The following FBXO21 variants were observed in gnomAD, a reference collection of about 807,000 sequenced individuals.
The protein encoded by FBXO21 is F-box only protein 21.
A neutral mutation model predicts 76.6 loss-of-function variants in FBXO21; 32 were observed. The ratio of observed to expected loss-of-function variants is 0.42; its 90% CI spans 0.32 to 0.56. The LOEUF is 0.56. Among genes scored for constraint, FBXO21 ranks in the 20% least tolerant of loss-of-function variants. The pLI is 0.16. For synonymous variants in FBXO21, 328 were observed against 311.5 expected (o/e 1.05, Z -0.56); for missense variants, 586 against 797.3 (o/e 0.73, Z 3.19).
chr12:117,146,057 G>C lies in FBXO21; in HGVS notation c.*30C>G. The C allele has an allele frequency of 6.6e-7, 1 of 1,510,294 alleles. No homozygotes were observed. The highest frequency in any genetic ancestry group is 8.9e-7 in the Non-Finnish European group (1 of 1,124,908). The allele number at this position is 1,510,294 out of a possible 1,614,324, so 93.6% of individuals were successfully genotyped here. A position where few individuals can be genotyped will look rare whatever the true frequency, so the allele number is the denominator to read the frequency against. ...CCCGTTCTCTTGGAAGATAGCAGCA[G>C]CAGCAAAGGTGCAATGTCCTCTCTA... On this transcript the variant is annotated 3_prime_UTR_variant, in exon 12 of 12. Coordinates refer to ENST00000622495, the MANE Select transcript of FBXO21 (RefSeq NM_015002.3).
intron 2 of FBXO21, among the ~76,000 whole-genome samples, chr12:117,187,547 C>T (rs1043680558): frequency 2.0e-5 from 3 of 151,598 alleles, no homozygotes; most frequent in Non-Finnish European, 4.4e-5. Flanking sequence ...AACACAGGAA[C>T]GCCAAGATCC....
At chr12:117,157,723 G>C in intron 10 of FBXO21, 150 bp downstream of exon 10, 1 of 537,032 alleles carries the variant, frequency 1.9e-6, no homozygotes, top group South Asian at 5.5e-5. Flanking sequence ...AAGAGGTTCA[G>C]CTTTCTGTCT....
chr12:117,153,168 G>A (rs371545345), intron 11 of FBXO21, among the ~76,000 whole-genome samples: 4 of 151,978 alleles, frequency 2.6e-5, no homozygotes, highest in Non-Finnish European at 4.4e-5. Flanking sequence ...GGGACAGGCC[G>A]GGAGGCAGGT....
chr12:117,152,904 C>A (rs1057001622), intron 11 of FBXO21, among the ~76,000 whole-genome samples: 1 of 152,036 alleles, frequency 6.6e-6, no homozygotes, highest in Admixed American at 6.5e-5. Context: ...TTGATGTATT[C>A]TTTTAACTGT....
intron 4 of FBXO21, 108 bp downstream of exon 4, chr12:117,177,412 C>G (rs1457463314): frequency 1.7e-6 from 2 of 1,192,126 alleles, no homozygotes; most frequent in Admixed American, 4.7e-5. Flanking sequence ...ACATGATTTG[C>G]TTTTTCACTT....
intron 11 of FBXO21, among the ~76,000 whole-genome samples, chr12:117,147,352 A>C (rs1182493842): frequency 1.3e-5 from 2 of 149,524 alleles, no homozygotes; most frequent in Non-Finnish European, 3.0e-5. Context: ...CTGTAATCCC[A>C]GCACTTTGGG....
rs758570744 is a variant in FBXO21 at position 117,189,369 on chromosome 12, G to A, written c.240-7C>T. The A allele has an allele frequency of 5.6e-6, 9 of 1,613,962 alleles. No individual in the cohort carries two copies. Among genetic ancestry groups the A allele is most frequent in the Middle Eastern group, 1.6e-4 (1 of 6,084 alleles). On this transcript the variant is annotated splice_region_variant and splice_polypyrimidine_tract_variant and intron_variant, in intron 1 of 11. Transcript: ENST00000622495. ...TTTCATAAGGGAAGGCCACCTACGA[G>A]GAGAGAAACACCCCCTCAGCTTAAC...
Position 117,143,011 on chromosome 12 carries a change from T to C in FBXO21, c.*3076A>G, listed in dbSNP as rs1007738004. The C allele has an allele frequency of 1.3e-5, 2 of 152,188 alleles. No individual in the cohort carries two copies. Among genetic ancestry groups the C allele is most frequent in the Non-Finnish European group, 2.9e-5 (2 of 68,022 alleles). The allele number at this position is 152,188 out of a possible 1,614,324, so 9.4% of individuals were successfully genotyped here. On this transcript the variant is annotated 3_prime_UTR_variant, in exon 12 of 12. Coordinates refer to ENST00000622495, the MANE Select transcript of FBXO21 (RefSeq NM_015002.3). ...TTTTGCTGTGTAAACGCGCTTATAA[T>C]GGGGATCTGTTATGAGTCTCAGGCA...
intron 9 of FBXO21, among the ~76,000 whole-genome samples, chr12:117,159,438 A>C (rs181139468): frequency 7.9e-5 from 12 of 152,204 alleles, no homozygotes; most frequent in Non-Finnish European, 1.5e-5. Flanking sequence ...GTGAAGATCA[A>C]CTCTTGGTCT....
chr12:117,181,598 A>AGAGTCTGTCT (rs72520396), intron 3 of FBXO21, among the ~76,000 whole-genome samples: 1 of 26,788 alleles, frequency 3.7e-5, no homozygotes, highest in Non-Finnish European at 5.4e-5. Flanking sequence ...TATCTGAGAC[A>AGAGTCTGTCT]GTCTATCTAT....
intron 11 of FBXO21, among the ~76,000 whole-genome samples, chr12:117,147,308 GA>G (rs139974809): frequency 0.012 from 534 of 46,252 alleles, 4 homozygotes; most frequent in Middle Eastern, 0.048. Flanking sequence ...AAAAAAAAAA[GA>G]AAAAAAAAAG....
intron 2 of FBXO21, 117 bp downstream of exon 2, chr12:117,189,110 G>A: frequency 2.6e-6 from 3 of 1,143,242 alleles, no homozygotes; most frequent in East Asian, 4.7e-5. Context: ...AAGTGAGTAA[G>A]GGATTGTGAG....
At position 117,142,171 on chromosome 12, in the gene FBXO21, C is replaced by G. The variant is rs1409671172; in HGVS notation, c.*3916G>C. ...TTCAAGGTTAAAGTCGCTGCTAGAC[C>G]AAGGCTAAACCGTGGCGAGGTAGTT... On this transcript the variant is annotated 3_prime_UTR_variant, in exon 12 of 12. Coordinates refer to ENST00000622495, the MANE Select transcript of FBXO21 (RefSeq NM_015002.3). 10 of 152,170 alleles carry G rather than the reference C, an allele frequency of 6.6e-5. No individual in the cohort carries two copies. Among genetic ancestry groups the G allele is most frequent in the Admixed American group, 6.5e-4 (10 of 15,288 alleles). 9.4% of individuals were successfully genotyped at this position (152,170 alleles called of 1,614,324 possible).
At position 117,166,997 on chromosome 12, in the gene FBXO21, T is replaced by C. The variant is rs1239495191; in HGVS notation, c.1094A>G (p.Tyr365Cys). ...TGCAGTCACGTGCTGGCCGATCAAG[T>C]ACTCGCATTCTTTCACTGTCAGCTG... ...GKQLTVKECE[Y>C]LIGQHVTAAL... Residue 365 changes from tyrosine to cysteine, a missense_variant, in exon 8 of 12, where the codon TAC becomes TGC. This residue lies in a region of FBXO21 where 246 missense variants were observed against 356.8 expected (regional missense o/e 0.69). Transcript: ENST00000622495. 1 of 1,614,122 alleles carries C rather than the reference T, an allele frequency of 6.2e-7. No homozygotes were observed. Among genetic ancestry groups the C allele is most frequent in the Non-Finnish European group, 8.5e-7 (1 of 1,179,978 alleles).
chr12:117,175,456 C>T (rs553603352), intron 4 of FBXO21, among the ~76,000 whole-genome samples: 1 of 152,356 alleles, frequency 6.6e-6, no homozygotes, highest in South Asian at 2.1e-4. Flanking sequence ...CTAACAGCAT[C>T]ATTTGGGTAA....
Position 117,161,853 on chromosome 12 carries a change from C to G in FBXO21, c.1326+3632G>C, listed in dbSNP as rs545631982. Among the ~76,000 whole-genome samples, 6 of 152,316 alleles carry G rather than the reference C, an allele frequency of 3.9e-5. No individual in the cohort carries two copies. The South Asian group carries it at 1.2e-3, about 32-fold the overall frequency. On this transcript the variant is annotated intron_variant, in intron 9 of 11. Coordinates refer to ENST00000622495, the MANE Select transcript of FBXO21 (RefSeq NM_015002.3). ...GCAAGAGCCTGAGAACCAGAGACCA[C>G]AGAGCAAAAGTAACCGAGTGTTCCC...
At position 117,185,054 on chromosome 12, in the gene FBXO21, T is replaced by C. The variant is rs538310070; in HGVS notation, c.470+1423A>G. Among the ~76,000 whole-genome samples the C allele has an allele frequency of 2.2e-4, 33 of 152,138 alleles. No homozygotes were observed. The South Asian group carries it at 6.0e-3, about 28-fold the overall frequency. Reference sequence around the variant, plus strand: ...AATGGGGAGGAAAAAGGAAACAGCATAAATAAGAGAAAAACCAGGTCTGTA... The same window carrying C: ...AATGGGGAGGAAAAAGGAAACAGCACAAATAAGAGAAAAACCAGGTCTGTA... On this transcript the variant is annotated intron_variant, in intron 3 of 11. Transcript: ENST00000622495.
chr12:117,149,091 T>G (rs11068369), intron 11 of FBXO21, among the ~76,000 whole-genome samples: 55,176 of 152,144 alleles, frequency 0.36, 11,665 homozygotes, highest in Admixed American at 0.54. Flanking sequence ...ATATTTTCCT[T>G]GAGGAGGCTT....
At chr12:117,188,200 T>C (rs939654748) in intron 2 of FBXO21, among the ~76,000 whole-genome samples, 3 of 152,152 alleles carry the variant, frequency 2.0e-5, no homozygotes, top group Non-Finnish European at 4.4e-5. Context: ...CTCAAAACAT[T>C]AGTGTGGATT....
Sources: allele counts gnomAD v4.1 joint callset (sites outside exome capture counted in the v4.1 genomes callset), GRCh38; gene constraint gnomAD v4.1.1; regional missense constraint gnomAD v4.1.1; transcripts MANE v1.5; gene names NCBI Gene and HGNC (gene_info 2026-07-23, HGNC 2026-07-21).